UPF2: variants seen among roughly 807,000 people sequenced by gnomAD.
UPF2 encodes regulator of nonsense transcripts 2.
A neutral mutation model predicts 141.4 loss-of-function variants in UPF2; 17 were observed. That is an observed-to-expected ratio of 0.12 (90% confidence interval 0.08 to 0.18). The LOEUF (loss-of-function observed/expected upper bound fraction) is 0.18. Ranked by LOEUF, UPF2 falls within the 10% of genes least tolerant of loss-of-function variation. The pLI is 1.00. For missense variants in UPF2, 1,152 were observed against 1,515.9 expected, an observed-to-expected ratio of 0.76 and a Z score of 3.99; for synonymous variants, 540 against 498.0, an observed-to-expected ratio of 1.08 and a Z score of -1.12.
At chr10:12,040,393 G>A (rs772869047) in intron 1 of UPF2, among the ~76,000 whole-genome samples, 42 of 152,140 alleles carry the variant, frequency 2.8e-4, no homozygotes, top group Non-Finnish European at 5.7e-4. Context: ...CTGCACTCCA[G>A]CCTGGCGACA....
intron 2 of UPF2, among the ~76,000 whole-genome samples, chr10:12,030,156 G>A (rs1564372676): frequency 6.6e-6 from 1 of 151,886 alleles, no homozygotes; most frequent in African/African-American, 2.4e-5. Flanking sequence ...ATGCTACTGT[G>A]AAAAATATAG....
intron 6 of UPF2, 49 bp from the exon 7 acceptor site, chr10:12,000,058 G>C (rs1833928415): frequency 7.0e-7 from 1 of 1,430,156 alleles, no homozygotes; most frequent in Admixed American, 2.2e-5. Context: ...AGAGAACACA[G>C]AATAAAAACA....
chr10:11,961,953 G>GC (rs1225187054), intron 11 of UPF2, among the ~76,000 whole-genome samples: 1 of 152,006 alleles, frequency 6.6e-6, no homozygotes, highest in Non-Finnish European at 1.5e-5. Flanking sequence ...CTATACTGAC[G>GC]CATCTCTGTA....
chr10:12,041,735 A>G (rs1236480166), intron 1 of UPF2, among the ~76,000 whole-genome samples: 2 of 152,228 alleles, frequency 1.3e-5, no homozygotes, highest in African/African-American at 4.8e-5. Context: ...GAACATCCTT[A>G]GTATAAAGGA....
Position 12,016,720 on chromosome 10 carries a change from TTAAAAA to T in UPF2, c.1146-2542_1146-2537del, listed in dbSNP as rs1834227225. Among the ~76,000 whole-genome samples the T allele has an allele frequency of 6.7e-6, 1 of 149,960 alleles. No individual in the cohort carries two copies. The highest frequency in any genetic ancestry group is 2.5e-5 in the African/African-American group (1 of 40,712). On this transcript the variant is annotated intron_variant, in intron 3 of 21. Transcript: ENST00000357604. The surrounding 1 kb of genome is among the most constrained non-coding windows in gnomAD (Gnocchi z 4.1). ...AAAAAAAGAAAAAGAAGTAAGTTACTTAAAAATATCTGCAATGTAGGGCCGGGCACG... is the reference window on the plus strand; with the variant it reads ...AAAAAAAGAAAAAGAAGTAAGTTACTTATCTGCAATGTAGGGCCGGGCACG...
At chr10:11,965,586 A>G (rs915091247) in intron 10 of UPF2, among the ~76,000 whole-genome samples, 9 of 152,094 alleles carry the variant, frequency 5.9e-5, no homozygotes, top group African/African-American at 2.2e-4. Context: ...CAGCCTCCCA[A>G]GTAGCTGGGA....
At chr10:12,021,423 C>G (rs903966344) in intron 3 of UPF2, among the ~76,000 whole-genome samples, 16 of 151,826 alleles carry the variant, frequency 1.1e-4, no homozygotes, top group African/African-American at 3.4e-4. Context: ...CCTGTGGTCT[C>G]AGCGACTTGG....
chr10:11,963,942 T>C, intron 11 of UPF2, 67 bp downstream of exon 11: 1 of 1,180,546 alleles, frequency 8.5e-7, no homozygotes, highest in Non-Finnish European at 1.2e-6. Context: ...CTGGTCAATA[T>C]TTTCAACCTC....
At chr10:12,038,945 G>T (rs1274075529) in intron 1 of UPF2, among the ~76,000 whole-genome samples, 1 of 152,020 alleles carries the variant, frequency 6.6e-6, no homozygotes, top group Non-Finnish European at 1.5e-5. Context: ...AGGATTACAG[G>T]TATAAGCCAC....
intron 5 of UPF2, among the ~76,000 whole-genome samples, chr10:12,002,258 C>T (rs1372007345): frequency 1.3e-5 from 2 of 152,006 alleles, no homozygotes; most frequent in Admixed American, 6.6e-5. Context: ...GCAAAAAGGG[C>T]GAAACTAAGT....
At chr10:11,981,625 A>T (rs554271737) in intron 8 of UPF2, among the ~76,000 whole-genome samples, 3 of 152,244 alleles carry the variant, frequency 2.0e-5, no homozygotes, top group African/African-American at 7.2e-5. Flanking sequence ...GAAAATGCAC[A>T]TAAGTAGGTC....
chr10:11,995,429 A>G (rs547767428), intron 8 of UPF2, among the ~76,000 whole-genome samples: 2 of 152,224 alleles, frequency 1.3e-5, no homozygotes, highest in Non-Finnish European at 2.9e-5. Context: ...TGCTGGGTAT[A>G]AAGCAGTAAA....
rs1833336992 is a variant in UPF2 at position 11,967,339 on chromosome 10, A to G, written c.2067+2T>C. 6.7e-7 allele frequency: 1 copy of G among 1,501,526 alleles called. No homozygotes were observed. Among genetic ancestry groups the G allele is most frequent in the Middle Eastern group, 1.7e-4 (1 of 5,746 alleles). 93.0% of individuals were successfully genotyped at this position (1,501,526 alleles called of 1,614,324 possible). A position where few individuals can be genotyped will look rare whatever the true frequency, so the allele number is the denominator to read the frequency against. The stretch of plus-strand genomic sequence containing the variant: ...AAAACAATCAACTAATTCAGCACTA[A>G]CCTTTAAACAATGCAGTGTGTCATT... On this transcript the variant is annotated splice_donor_variant, in intron 10 of 21. Coordinates refer to ENST00000357604, the MANE Select transcript of UPF2 (RefSeq NM_015542.4). LOFTEE classifies it high-confidence loss of function.
chr10:11,933,706 CATTG>C (rs145349236), intron 19 of UPF2, among the ~76,000 whole-genome samples: 2,695 of 152,254 alleles, frequency 0.018, 48 homozygotes, highest in Non-Finnish European at 0.023. Flanking sequence ...TTTAAGTAGG[CATTG>C]ATTAATTTAT....
In UPF2 at chr10:12,029,291, T is replaced by C. The variant is rs1236102119; in HGVS notation, c.599A>G (p.Lys200Arg). Residue 200 changes from lysine to arginine, a missense_variant, in exon 3 of 22, where the codon AAA becomes AGA. Around this residue, in one of 4 missense-constraint regions of UPF2, gnomAD observed 739 missense variants for 1,032.2 expected, o/e 0.72. Coordinates refer to ENST00000357604, the MANE Select transcript of UPF2 (RefSeq NM_015542.4). ...SHDFNGLNLSKYIAEAVASIV... is the reference protein window; with the variant it reads ...SHDFNGLNLSRYIAEAVASIV... The stretch of plus-strand genomic sequence containing the variant: ...GGAAGCTACAGCTTCTGCAATGTAT[T>C]TGCTTAAATTTAGGCCATTAAAATC... 1 of 1,614,222 alleles carries C rather than the reference T, an allele frequency of 6.2e-7. No individual in the cohort carries two copies. The highest frequency in any genetic ancestry group is 1.7e-5 in the Admixed American group (1 of 60,032).
At position 12,042,411 on chromosome 10, in the gene UPF2, C is replaced by T. The variant is rs1834752144; in HGVS notation, c.-19+344G>A. Among the ~76,000 whole-genome samples the T allele has an allele frequency of 1.3e-5, 2 of 152,192 alleles. No individual in the cohort carries two copies. Among genetic ancestry groups the T allele is most frequent in the South Asian group, 4.1e-4 (2 of 4,836 alleles). On this transcript the variant is annotated intron_variant, in intron 1 of 21. Coordinates refer to ENST00000357604, the MANE Select transcript of UPF2 (RefSeq NM_015542.4). This position sits in a 1 kb window ranked among gnomAD's most constrained non-coding sequence, Gnocchi z 5.5. ...TCTCGAGGAGCTTCCCCCGACCTCC[C>T]CTCGCTCTCCTCCACGCCCCCGAAC...
intron 21 of UPF2, among the ~76,000 whole-genome samples, chr10:11,927,168 C>T (rs1418889148): frequency 2.0e-5 from 3 of 152,178 alleles, no homozygotes; most frequent in Non-Finnish European, 2.9e-5. Context: ...TGAGTGTACA[C>T]GGAGGGAGGC....
rs964920550 is a variant in UPF2 at position 11,953,506 on chromosome 10, T to C, written c.2851-1257A>G. 2.0e-5 allele frequency among the ~76,000 whole-genome samples: 3 copies of C among 152,224 alleles called. No individual in the cohort carries two copies. The highest frequency in any genetic ancestry group is 7.2e-5 in the African/African-American group (3 of 41,452). On this transcript the variant is annotated intron_variant, in intron 14 of 21. Transcript: ENST00000357604. The surrounding 1 kb of genome is among the most constrained non-coding windows in gnomAD (Gnocchi z 5.0). ...ACTCCAATTCCTAGGTATGGCTCTGTTACACATTTTTGTCTGTTAATCAGT... is the reference window on the plus strand; with the variant it reads ...ACTCCAATTCCTAGGTATGGCTCTGCTACACATTTTTGTCTGTTAATCAGT...
chr10:11,928,709 AG>A (rs747609113), intron 21 of UPF2: 4 of 361,154 alleles, frequency 1.1e-5, no homozygotes, highest in South Asian at 4.2e-5. Flanking sequence ...ACTCCGCCTC[AG>A]AAAAAAAAAA....
Sources: allele counts gnomAD v4.1 joint callset (sites outside exome capture counted in the v4.1 genomes callset), GRCh38; gene constraint gnomAD v4.1.1; regional missense constraint gnomAD v4.1.1; non-coding constraint Gnocchi (gnomAD v3.1); transcripts MANE v1.5; gene names NCBI Gene and HGNC (gene_info 2026-07-23, HGNC 2026-07-21).